PHACTR1: variants seen among roughly 807,000 people sequenced by gnomAD.
The protein encoded by PHACTR1 is phosphatase and actin regulator 1.
Under a neutral mutation model 69.2 loss-of-function variants are expected in PHACTR1, and 16 were observed. The observed-to-expected ratio is 0.23, with a 90% CI of 0.16 to 0.35. PHACTR1 has a LOEUF of 0.35. Ranked by LOEUF, PHACTR1 falls within the 10% of genes least tolerant of loss-of-function variation. The pLI is 1.00. For synonymous variants in PHACTR1, 312 were observed against 284.5 expected, an observed-to-expected ratio of 1.10 and a Z score of -0.97; for missense variants, 510 against 734.7, an observed-to-expected ratio of 0.69 and a Z score of 3.54.
chr6:13,077,839 A>T (rs1270781482), intron 5 of PHACTR1, among the ~76,000 whole-genome samples: 1 of 152,182 alleles, frequency 6.6e-6, no homozygotes, highest in African/African-American at 2.4e-5. Flanking sequence ...AGGAGAAATA[A>T]CAAGACTTGC....
At chr6:13,162,145 G>A (rs961540518) in intron 6 of PHACTR1, among the ~76,000 whole-genome samples, 1 of 152,018 alleles carries the variant, frequency 6.6e-6, no homozygotes, top group African/African-American at 2.4e-5. Context: ...TGTCGCCCAG[G>A]CTGGAGTGCA....
At chr6:13,006,074 A>G (rs1315440841) in intron 4 of PHACTR1, among the ~76,000 whole-genome samples, 1 of 152,220 alleles carries the variant, frequency 6.6e-6, no homozygotes, top group Non-Finnish European at 1.5e-5. Flanking sequence ...CACAATGTAG[A>G]TACAATCCCA....
chr6:12,741,554 T>TGTCATA (rs1380689239), intron 3 of PHACTR1, among the ~76,000 whole-genome samples: 1 of 152,152 alleles, frequency 6.6e-6, no homozygotes, highest in East Asian at 1.9e-4. Context: ...GTGGGACCCT[T>TGTCATA]GTCATAGCCA....
intron 5 of PHACTR1, among the ~76,000 whole-genome samples, chr6:13,106,218 A>G (rs983416033): frequency 2.0e-5 from 3 of 152,224 alleles, no homozygotes. Flanking sequence ...TATATAAACA[A>G]TCATATTGCC....
intron 10 of PHACTR1, among the ~76,000 whole-genome samples, chr6:13,249,424 G>T (rs1232603161): frequency 6.6e-6 from 1 of 152,118 alleles, no homozygotes; most frequent in Non-Finnish European, 1.5e-5. Context: ...GTGCCAAAAA[G>T]GTTGGGGACA....
At chr6:12,748,534 C>T (rs1189932494) in intron 3 of PHACTR1, among the ~76,000 whole-genome samples, 1 of 152,138 alleles carries the variant, frequency 6.6e-6, no homozygotes, top group African/African-American at 2.4e-5. Context: ...AAGGGTTTAG[C>T]CCATCAATAG....
chr6:12,893,278 C>T (rs548031788), intron 4 of PHACTR1, among the ~76,000 whole-genome samples: 23 of 152,224 alleles, frequency 1.5e-4, no homozygotes, highest in African/African-American at 4.8e-4. Context: ...AGCTCCAGGG[C>T]GTATGCACTT....
At chr6:13,190,043 A>T (rs866017097) in intron 7 of PHACTR1, among the ~76,000 whole-genome samples, 7,959 of 80,906 alleles carry the variant, frequency 0.098, 794 homozygotes, top group African/African-American at 0.36. Flanking sequence ...TTTTTTTTTT[A>T]AAACAGTTTC....
Position 12,859,542 on chromosome 6 carries a change from G to A in PHACTR1, c.250+109752G>A, listed in dbSNP as rs567384036. 5.3e-5 allele frequency among the ~76,000 whole-genome samples: 8 copies of A among 152,254 alleles called. No homozygotes were observed. The South Asian group carries it at 1.7e-3, about 32-fold the overall frequency. ...TATCTAAATTTGACACTTATGATGG[G>A]TTTTATGCAGGTAAAAGTCCAGAGG... On this transcript the variant is annotated intron_variant, in intron 4 of 14. Coordinates refer to ENST00000332995, the MANE Select transcript of PHACTR1 (RefSeq NM_030948.6).
At chr6:13,048,554 G>GTGT (rs1561749368) in intron 4 of PHACTR1, among the ~76,000 whole-genome samples, 3 of 151,146 alleles carry the variant, frequency 2.0e-5, no homozygotes, top group African/African-American at 4.9e-5. Flanking sequence ...GTGTGTGTGT[G>GTGT]ATGGAGTTTC....
chr6:12,946,805 A>ATTTT lies in PHACTR1; in HGVS notation c.251-106538_251-106535dup, dbSNP rs11412388. ...ACATACAGTGCAATGATGGTGCTGG[A>ATTTT]TTTTTTTTTTTTTTTTTTTTTTTTT... is the stretch of plus-strand genomic sequence containing the variant. On this transcript the variant is annotated intron_variant, in intron 4 of 14. Transcript: ENST00000332995. Among the ~76,000 whole-genome samples, 396 of 85,222 alleles carry ATTTT rather than the reference A, an allele frequency of 4.6e-3. 18 individuals are homozygous for ATTTT. The highest frequency in any genetic ancestry group is 0.018 in the African/African-American group (359 of 19,536). The allele number at this position is 85,222 out of a possible 152,430, so 55.9% of individuals were successfully genotyped here.
intron 8 of PHACTR1, among the ~76,000 whole-genome samples, chr6:13,207,179 G>A (rs2113882559): frequency 6.6e-6 from 1 of 152,248 alleles, no homozygotes; most frequent in South Asian, 2.1e-4. Flanking sequence ...GTGGTGAAAT[G>A]GGGAGAAAAT....
In PHACTR1 at chr6:13,160,289, G is replaced by A. The variant is rs779015893; in HGVS notation, c.496+5G>A. 1.2e-6 allele frequency: 2 copies of A among 1,612,272 alleles called. No individual in the cohort carries two copies. Among genetic ancestry groups the A allele is most frequent in the African/African-American group, 1.3e-5 (1 of 74,898 alleles). The stretch of plus-strand genomic sequence containing the variant: ...TGAAGGAAATCTATGATAAAGGTAA[G>A]GAGGATTGGTCTGTCATCCCCGGGT... On this transcript the variant is annotated splice_donor_5th_base_variant and intron_variant, in intron 6 of 14. Transcript: ENST00000332995.
intron 4 of PHACTR1, among the ~76,000 whole-genome samples, chr6:12,945,399 G>C (rs1355160098): frequency 6.6e-6 from 1 of 152,204 alleles, no homozygotes; most frequent in African/African-American, 2.4e-5. Context: ...CAGGAATTAT[G>C]TTCATCTTGC....
Position 12,862,472 on chromosome 6 carries a change from G to A in PHACTR1, c.250+112682G>A, listed in dbSNP as rs80182864. On this transcript the variant is annotated intron_variant, in intron 4 of 14. Transcript: ENST00000332995. ...CTCTACTGTCCATCTCAGGGTCACC[G>A]GCATACACTGGGGGATGGCTCTTAT... Among the ~76,000 whole-genome samples, 1,085 of 152,190 alleles carry A rather than the reference G, an allele frequency of 7.1e-3. 19 individuals carry two copies. The highest frequency in any genetic ancestry group is 0.025 in the African/African-American group (1,030 of 41,510).
At chr6:12,836,392 C>G (rs1162023214) in intron 4 of PHACTR1, among the ~76,000 whole-genome samples, 1 of 152,144 alleles carries the variant, frequency 6.6e-6, no homozygotes, top group Non-Finnish European at 1.5e-5. Flanking sequence ...AAATCAAAGT[C>G]AAAACCTTGG....
chr6:12,753,555 G>T (rs1182439471), intron 4 of PHACTR1, among the ~76,000 whole-genome samples: 1 of 152,164 alleles, frequency 6.6e-6, no homozygotes, highest in East Asian at 1.9e-4. Context: ...TAATCATAAG[G>T]AGGTTTAACT....
chr6:13,287,148 T>G lies in PHACTR1; in HGVS notation c.*70T>G. ...TTTATAAGAACCATAAGTGCTGGTA[T>G]TTATTCACTTCCCCATTACGATGTA... is the stretch of plus-strand genomic sequence containing the variant. On this transcript the variant is annotated 3_prime_UTR_variant, in exon 15 of 15. Transcript: ENST00000332995. 2.2e-6 allele frequency: 3 copies of G among 1,383,234 alleles called. No individual in the cohort carries two copies. The highest frequency in any genetic ancestry group is 3.0e-6 in the Non-Finnish European group (3 of 994,812). The allele number at this position is 1,383,234 out of a possible 1,614,324, so 85.7% of individuals were successfully genotyped here. A position where few individuals can be genotyped will look rare whatever the true frequency, so the allele number is the denominator to read the frequency against.
At chr6:13,072,164 A>G (rs929484945) in intron 5 of PHACTR1, among the ~76,000 whole-genome samples, 11 of 152,206 alleles carry the variant, frequency 7.2e-5, no homozygotes, top group African/African-American at 2.7e-4. Flanking sequence ...AAGGATACTC[A>G]TAATAACGTG....
Sources: allele counts gnomAD v4.1 joint callset (sites outside exome capture counted in the v4.1 genomes callset), GRCh38; gene constraint gnomAD v4.1.1; transcripts MANE v1.5; gene names NCBI Gene and HGNC (gene_info 2026-07-23, HGNC 2026-07-21).